The following FSTL5 variants were observed in gnomAD, a reference collection of about 807,000 sequenced individuals.
The protein encoded by FSTL5 is follistatin like 5, also known as follistatin-related protein 5.
Under a neutral mutation model 89.1 loss-of-function variants are expected in FSTL5, and 62 were observed. The observed-to-expected ratio is 0.70, with a 90% confidence interval of 0.57 to 0.86. FSTL5 has a LOEUF of 0.86. Among genes scored for constraint, FSTL5 ranks in the 40% least tolerant of loss-of-function variants. FSTL5 has a pLI of 0.00. For synonymous variants in FSTL5, 383 were observed against 346.2 expected, an observed-to-expected ratio of 1.11 and a Z score of -1.18; for missense variants, 1,057 against 1,001.6, an observed-to-expected ratio of 1.06 and a Z score of -0.75.
At chr4:161,831,637 A>G (rs78549781) in intron 4 of FSTL5, among the ~76,000 whole-genome samples, 11,319 of 151,974 alleles carry the variant, frequency 0.074, 613 homozygotes, top group East Asian at 0.18. Context: ...TTGCTATTGA[A>G]ATTAAATAGA....
chr4:161,952,895 T>C (rs1734935849), intron 3 of FSTL5, among the ~76,000 whole-genome samples: 1 of 151,760 alleles, frequency 6.6e-6, no homozygotes, highest in African/African-American at 2.4e-5. Flanking sequence ...AAACATAAAA[T>C]TTATCATTAC....
chr4:161,649,562 GATA>G (rs1412512817), intron 7 of FSTL5, among the ~76,000 whole-genome samples: 1 of 152,138 alleles, frequency 6.6e-6, no homozygotes, highest in African/African-American at 2.4e-5. Context: ...AAATACAATA[GATA>G]ATAATATCTA....
At chr4:162,039,466 C>A (rs1399860849) in intron 2 of FSTL5, among the ~76,000 whole-genome samples, 2 of 151,878 alleles carry the variant, frequency 1.3e-5, no homozygotes, top group Non-Finnish European at 2.9e-5. Context: ...AAAATTTCTT[C>A]TATCTCATTG....
chr4:161,792,892 C>T (rs1729522920), intron 4 of FSTL5, among the ~76,000 whole-genome samples: 1 of 152,224 alleles, frequency 6.6e-6, no homozygotes, highest in South Asian at 2.1e-4. Flanking sequence ...AGGGCTGAAA[C>T]ATCCCCTCCC....
rs746879636 is a variant in FSTL5 at position 161,528,604 on chromosome 4, C to T, written c.1312+9562G>A. ...TTTGAGAAAACACCCCACTTCAGCCCCTTACCCCAGAGTTTGGGCATTTCA... is the reference window on the plus strand; with the variant it reads ...TTTGAGAAAACACCCCACTTCAGCCTCTTACCCCAGAGTTTGGGCATTTCA... On this transcript the variant is annotated intron_variant, in intron 10 of 15. Transcript: ENST00000306100. Among the ~76,000 whole-genome samples, 12 of 142,884 alleles carry T rather than the reference C, an allele frequency of 8.4e-5. 2 individuals carry two copies. The highest frequency in any genetic ancestry group is 4.8e-4 in the East Asian group (2 of 4,130). 93.7% of individuals were successfully genotyped at this position (142,884 alleles called of 152,430 possible). A position where few individuals can be genotyped will look rare whatever the true frequency, so the allele number is the denominator to read the frequency against.
chr4:161,861,775 TATA>T (rs1280398118), intron 4 of FSTL5, among the ~76,000 whole-genome samples: 1 of 152,214 alleles, frequency 6.6e-6, no homozygotes, highest in East Asian at 1.9e-4. Flanking sequence ...ATAAATGTGG[TATA>T]ATAATAGTTG....
At chr4:162,113,968 T>C (rs1210274787) in intron 1 of FSTL5, among the ~76,000 whole-genome samples, 6 of 152,204 alleles carry the variant, frequency 3.9e-5, no homozygotes, top group Non-Finnish European at 8.8e-5. Context: ...TTTGCTTTTA[T>C]TTTTGTTTTC....
intron 12 of FSTL5, among the ~76,000 whole-genome samples, chr4:161,490,843 A>G (rs1729846824): frequency 6.6e-6 from 1 of 152,152 alleles, no homozygotes; most frequent in Admixed American, 6.5e-5. Flanking sequence ...GTTATGTGGT[A>G]AAATAATATT....
intron 4 of FSTL5, among the ~76,000 whole-genome samples, chr4:161,884,624 A>G (rs1429848618): frequency 6.6e-6 from 1 of 152,172 alleles, no homozygotes; most frequent in Non-Finnish European, 1.5e-5. Context: ...TATATTTCCT[A>G]TTGTTTTTTA....
chr4:161,469,808 T>C (rs1578857988), intron 13 of FSTL5, among the ~76,000 whole-genome samples: 1 of 151,924 alleles, frequency 6.6e-6, no homozygotes, highest in East Asian at 1.9e-4. Flanking sequence ...CGGCTACTTT[T>C]TGTTTGTTTG....
intron 15 of FSTL5, among the ~76,000 whole-genome samples, chr4:161,440,289 A>G (rs981052287): frequency 1.3e-5 from 2 of 151,850 alleles, no homozygotes; most frequent in Admixed American, 6.6e-5. Context: ...TGGACTTGAT[A>G]GAGTATTTTT....
At chr4:161,782,278 G>T (rs1334219640) in intron 4 of FSTL5, among the ~76,000 whole-genome samples, 1 of 152,118 alleles carries the variant, frequency 6.6e-6, no homozygotes, top group East Asian at 1.9e-4. Flanking sequence ...ATTGCTGCAT[G>T]ATATGGTAAG....
At chr4:161,977,162 T>C (rs560297770) in intron 3 of FSTL5, among the ~76,000 whole-genome samples, 36 of 152,312 alleles carry the variant, frequency 2.4e-4, no homozygotes, top group African/African-American at 8.2e-4. Flanking sequence ...ATCAAAATGT[T>C]ATAATTGCTG....
intron 15 of FSTL5, among the ~76,000 whole-genome samples, chr4:161,428,538 A>T (rs1329393700): frequency 6.6e-6 from 1 of 152,200 alleles, no homozygotes; most frequent in African/African-American, 2.4e-5. Context: ...GCTCAGCCAG[A>T]GTAGGTTAGG....
chr4:161,453,567 T>A (rs1733245736), intron 15 of FSTL5, among the ~76,000 whole-genome samples: 1 of 152,096 alleles, frequency 6.6e-6, no homozygotes, highest in Non-Finnish European at 1.5e-5. Context: ...TTTCAATAAT[T>A]TGTTTTCCAC....
intron 3 of FSTL5, among the ~76,000 whole-genome samples, chr4:162,014,186 A>G (rs1442342734): frequency 3.9e-5 from 6 of 152,248 alleles, no homozygotes; most frequent in Admixed American, 3.9e-4. Context: ...ATCTGAATCA[A>G]GAATTCATTT....
chr4:161,881,560 AGC>A (rs1181598387), intron 4 of FSTL5, among the ~76,000 whole-genome samples: 1 of 152,064 alleles, frequency 6.6e-6, no homozygotes, highest in Non-Finnish European at 1.5e-5. Context: ...TTTCAACTCC[AGC>A]GCGTTTTTTG....
At chr4:162,109,345 A>AGTG (rs1265644423) in intron 2 of FSTL5, among the ~76,000 whole-genome samples, 12 of 152,080 alleles carry the variant, frequency 7.9e-5, no homozygotes, top group Non-Finnish European at 1.2e-4. Context: ...CCTGTCAAAC[A>AGTG]TACACTTTCT....
intron 6 of FSTL5, among the ~76,000 whole-genome samples, chr4:161,718,503 A>T (rs1739079190): frequency 6.6e-6 from 1 of 151,936 alleles, no homozygotes; most frequent in African/African-American, 2.4e-5. Flanking sequence ...ATCTCAGCTC[A>T]CTGCAACCTC....
Sources: gnomAD v4.1 joint callset for allele counts (sites outside exome capture counted in the v4.1 genomes callset) on GRCh38, gnomAD v4.1.1 for gene constraint, MANE v1.5 for transcripts, NCBI Gene and HGNC (gene_info 2026-07-23, HGNC 2026-07-21) for gene names.